Variants in TJP3 observed in about 807,000 individuals in gnomAD.
TJP3 encodes the protein tight junction protein 3.
In TJP3, 85 loss-of-function variants were observed where a neutral mutation model predicts 104.2. The ratio of observed to expected loss-of-function variants is 0.82; its 90% CI spans 0.68 to 0.98. TJP3 has a LOEUF of 0.98. Among genes scored for constraint, TJP3 ranks in the 50% least tolerant of loss-of-function variants. The pLI is 0.00. For synonymous variants in TJP3, 550 were observed against 550.6 expected (o/e 1.00, Z 0.02); for missense variants, 1,367 against 1,322.8 (o/e 1.03, Z -0.52).
chr19:3,712,811 G>A (rs989711720), intron 1 of TJP3, among the ~76,000 whole-genome samples: 1 of 151,778 alleles, frequency 6.6e-6, no homozygotes, highest in Non-Finnish European at 1.5e-5. Context: ...CTGCTGGGCA[G>A]GGTGGCGTGC....
chr19:3,730,225 C>T lies in TJP3; in HGVS notation c.261+95C>T. 6.6e-7 allele frequency: 1 copy of T among 1,521,834 alleles called. No individual in the cohort carries two copies. 94.3% of individuals were successfully genotyped at this position (1,521,834 alleles called of 1,614,324 possible). A position where few individuals can be genotyped will look rare whatever the true frequency, so the allele number is the denominator to read the frequency against. On this transcript the variant is annotated intron_variant, in intron 4 of 20. Transcript: ENST00000541714. This position sits in a 1 kb window ranked among gnomAD's most constrained non-coding sequence, Gnocchi z 7.3. ...TAAGCTTCTGAGAGCAAGGAGTCATCTTCTCATCTTACAGTTTGGACATTG... is the reference window on the plus strand; with the variant it reads ...TAAGCTTCTGAGAGCAAGGAGTCATTTTCTCATCTTACAGTTTGGACATTG...
intron 1 of TJP3, among the ~76,000 whole-genome samples, chr19:3,715,519 C>T (rs1279302857): frequency 6.6e-6 from 1 of 152,110 alleles, no homozygotes; most frequent in Non-Finnish European, 1.5e-5. Context: ...AGGGAGCCAT[C>T]GAGTGTTCTT....
intron 19 of TJP3, among the ~76,000 whole-genome samples, chr19:3,749,145 G>A (rs1022409727): frequency 2.0e-5 from 3 of 151,718 alleles, no homozygotes; most frequent in Non-Finnish European, 4.4e-5. Context: ...TGGGATTAGA[G>A]GCGTGAGCCA....
chr19:3,712,486 A>T (rs535719690), intron 1 of TJP3, among the ~76,000 whole-genome samples: 10 of 152,246 alleles, frequency 6.6e-5, no homozygotes, highest in African/African-American at 2.4e-4. Context: ...TTAGTGGCAG[A>T]TGCTTAAACC....
intron 1 of TJP3, among the ~76,000 whole-genome samples, chr19:3,718,104 G>A (rs2036500100): frequency 6.6e-6 from 1 of 151,042 alleles, no homozygotes; most frequent in Non-Finnish European, 1.5e-5. Context: ...TACTCGGGAG[G>A]CTGAGGCAGG....
rs2036618601 is a variant in TJP3 at position 3,728,035 on chromosome 19, T to C, written c.-9-389T>C. 2.6e-5 allele frequency among the ~76,000 whole-genome samples: 4 copies of C among 151,886 alleles called. No individual in the cohort carries two copies. The South Asian group carries it at 8.3e-4, about 32-fold the overall frequency. On this transcript the variant is annotated intron_variant, in intron 1 of 20. Coordinates refer to ENST00000541714, the MANE Select transcript of TJP3 (RefSeq NM_001267560.2). ...TGGGTGGATCACTTGAGGCCAGAAG[T>C]TAAAGGCCAGTCTGGCCAATGTGGT...
chr19:3,710,727 C>T (rs1481118983), intron 1 of TJP3, among the ~76,000 whole-genome samples: 1 of 151,458 alleles, frequency 6.6e-6, no homozygotes, highest in Non-Finnish European at 1.5e-5. Flanking sequence ...ACTGTATGCG[C>T]GAGTGTGGGG....
intron 1 of TJP3, among the ~76,000 whole-genome samples, chr19:3,711,986 C>T (rs1317889851): frequency 6.6e-6 from 1 of 151,812 alleles, no homozygotes; most frequent in East Asian, 2.0e-4. Flanking sequence ...GACCCGGCCT[C>T]AGCATTCTTG....
At chr19:3,744,490 C>G (rs8104487) in intron 15 of TJP3, among the ~76,000 whole-genome samples, 24 of 151,956 alleles carry the variant, frequency 1.6e-4, no homozygotes, top group African/African-American at 5.1e-4. Context: ...ATGGTGAAAC[C>G]CCGTCTCTAC....
intron 1 of TJP3, among the ~76,000 whole-genome samples, chr19:3,719,828 C>T (rs892647642): frequency 4.0e-5 from 6 of 151,806 alleles, no homozygotes; most frequent in South Asian, 2.1e-4. Flanking sequence ...TTGCTTCGGT[C>T]GGAAGTCACA....
chr19:3,735,494 C>T (rs868837054), intron 8 of TJP3, 72 bp from the exon 9 acceptor site: 31 of 1,495,454 alleles, frequency 2.1e-5, no homozygotes, highest in African/African-American at 9.6e-5. Flanking sequence ...CCACCGTGCC[C>T]GGCCTAAAAT....
intron 14 of TJP3, among the ~76,000 whole-genome samples, chr19:3,743,419 C>CT (rs2036848256): frequency 6.6e-6 from 1 of 152,210 alleles, no homozygotes; most frequent in Admixed American, 6.5e-5. Context: ...TGTCAACATA[C>CT]TTTTCCTGCA....
chr19:3,715,116 G>A (rs1367166700), intron 1 of TJP3, among the ~76,000 whole-genome samples: 2 of 148,180 alleles, frequency 1.3e-5, no homozygotes, highest in Non-Finnish European at 3.0e-5. Context: ...TTGAGATGGA[G>A]TCTCGCTCTG....
intron 12 of TJP3, 53 bp from the exon 13 acceptor site, chr19:3,738,844 G>A: frequency 2.0e-6 from 3 of 1,502,536 alleles, no homozygotes; most frequent in Non-Finnish European, 2.7e-6. Context: ...GGTGGGGAGG[G>A]CTCAGATCAG....
chr19:3,717,153 C>T (rs1219908848), intron 1 of TJP3, among the ~76,000 whole-genome samples: 1 of 146,008 alleles, frequency 6.8e-6, no homozygotes, highest in African/African-American at 2.4e-5. Flanking sequence ...TTAGTAGAGA[C>T]GAGGTTTCTC....
At chr19:3,750,552 A>G (rs1188684172) in intron 20 of TJP3, 30 bp from the exon 21 acceptor site, 1 of 1,551,538 alleles carries the variant, frequency 6.4e-7, no homozygotes, top group Non-Finnish European at 8.8e-7. Flanking sequence ...CTTCCCACCC[A>G]CAGCATCTAT....
At chr19:3,733,722 C>A in intron 6 of TJP3, 31 bp from the exon 7 acceptor site, 1 of 1,612,172 alleles carries the variant, frequency 6.2e-7, no homozygotes. Context: ...CATTAACTCA[C>A]TTCCGCTCTT....
chr19:3,738,414 G>C (rs2036766303), intron 11 of TJP3, 141 bp from the exon 12 acceptor site: 1 of 662,458 alleles, frequency 1.5e-6, no homozygotes. Flanking sequence ...CAGTCGGAAA[G>C]CCCTCGGGGA....
rs184889448 is a variant in TJP3, at chr19:3,734,320, C to A, written c.878-7C>A. The A allele has an allele frequency of 9.2e-5, 148 of 1,613,166 alleles. No homozygotes were observed. The Admixed American group carries it at 1.4e-3, about 15-fold the overall frequency. ...CATGGCTGATGAGATGTCCTCTCCC[C>A]CTGCAGACATCTCGGACCTCGCCTC... On this transcript the variant is annotated splice_polypyrimidine_tract_variant and splice_region_variant and intron_variant, in intron 7 of 20. Coordinates refer to ENST00000541714, the MANE Select transcript of TJP3 (RefSeq NM_001267560.2).
Sources: allele counts gnomAD v4.1 joint callset (sites outside exome capture counted in the v4.1 genomes callset), GRCh38; gene constraint gnomAD v4.1.1; non-coding constraint Gnocchi (gnomAD v3.1); transcripts MANE v1.5; gene names NCBI Gene and HGNC (gene_info 2026-07-23, HGNC 2026-07-21).